CFAP61: variants seen among roughly 807,000 people sequenced by gnomAD.
CFAP61 encodes the protein cilia and flagella associated protein 61.
Under a neutral mutation model 135.6 loss-of-function variants are expected in CFAP61, and 107 were observed. The ratio of observed to expected loss-of-function variants is 0.79; its 90% CI spans 0.67 to 0.93. The LOEUF (loss-of-function observed/expected upper bound fraction) is 0.93. Among genes scored for constraint, CFAP61 ranks in the 40% least tolerant of loss-of-function variants. The probability of loss-of-function intolerance (pLI) is 0.00; values close to 1 mark genes in which losing one functional copy is unlikely to be tolerated. For missense variants in CFAP61, 1,507 were observed against 1,556.2 expected (o/e 0.97, Z 0.53); for synonymous variants, 575 against 578.5 (o/e 0.99, Z 0.09).
At chr20:20,317,463 G>A (rs2122225354) in intron 25 of CFAP61, among the ~76,000 whole-genome samples, 1 of 152,290 alleles carries the variant, frequency 6.6e-6, no homozygotes, top group East Asian at 1.9e-4. Context: ...AGTGACAGAT[G>A]GCAGAGCCCC....
intron 8 of CFAP61, among the ~76,000 whole-genome samples, chr20:20,122,916 G>A (rs1019266010): frequency 9.2e-5 from 14 of 151,506 alleles, no homozygotes; most frequent in African/African-American, 3.4e-4. Context: ...CCACATCCAC[G>A]CCAACATCTA....
intron 20 of CFAP61, among the ~76,000 whole-genome samples, chr20:20,255,713 A>C (rs2051490707): frequency 6.6e-6 from 1 of 152,084 alleles, no homozygotes; most frequent in Admixed American, 6.5e-5. Flanking sequence ...TAGAGATCTC[A>C]CTCTGAGAAT....
At position 20,075,262 on chromosome 20, in the gene CFAP61, G is replaced by T. The variant is rs201930326; in HGVS notation, c.439+6G>T. On this transcript the variant is annotated splice_donor_region_variant and intron_variant, in intron 5 of 26. Transcript: ENST00000245957. ...GCCATCCTACATGAGCCTAGGTAAG[G>T]CCCGCCCAACCACCTCTGGTCCCCG... The T allele has an allele frequency of 6.2e-7, 1 of 1,613,784 alleles. No homozygotes were observed. Among genetic ancestry groups the T allele is most frequent in the Non-Finnish European group, 8.5e-7 (1 of 1,179,764 alleles).
At chr20:20,296,062 T>G (rs2055451469) in intron 24 of CFAP61, among the ~76,000 whole-genome samples, 1 of 26,100 alleles carries the variant, frequency 3.8e-5, no homozygotes, top group African/African-American at 1.6e-4. Flanking sequence ...TTCCCTTCCT[T>G]CCCTTCCTTC....
intron 25 of CFAP61, 68 bp downstream of exon 25, chr20:20,298,454 C>T (rs1410089329): frequency 7.2e-7 from 1 of 1,391,396 alleles, no homozygotes; most frequent in South Asian, 1.2e-5. Context: ...GAATGAGGGA[C>T]ATGTGTTGTG....
intron 9 of CFAP61, among the ~76,000 whole-genome samples, chr20:20,149,212 G>C (rs1332616764): frequency 6.6e-6 from 1 of 152,126 alleles, no homozygotes. Context: ...ATAAATTTAG[G>C]ATTCAAGTCA....
chr20:20,242,139 C>T (rs2050058775), intron 18 of CFAP61, among the ~76,000 whole-genome samples: 3 of 152,234 alleles, frequency 2.0e-5, no homozygotes, highest in African/African-American at 7.2e-5. Context: ...AACAGATTGT[C>T]AGTAAATTGA....
chr20:20,181,138 C>T (rs562511753), intron 13 of CFAP61, among the ~76,000 whole-genome samples: 6 of 150,776 alleles, frequency 4.0e-5, no homozygotes, highest in East Asian at 3.9e-4. Flanking sequence ...AACCTTCACG[C>T]GTACCCCTGA....
At chr20:20,248,819 G>A (rs1476284331) in intron 19 of CFAP61, among the ~76,000 whole-genome samples, 1 of 152,132 alleles carries the variant, frequency 6.6e-6, no homozygotes, top group Non-Finnish European at 1.5e-5. Context: ...CAAGGTTGGG[G>A]GCACTATAAC....
intron 7 of CFAP61, among the ~76,000 whole-genome samples, chr20:20,096,507 G>A (rs1478145538): frequency 6.6e-6 from 1 of 152,204 alleles, no homozygotes; most frequent in Non-Finnish European, 1.5e-5. Context: ...ACTAACAGCG[G>A]TCTTATAAAT....
intron 25 of CFAP61, among the ~76,000 whole-genome samples, chr20:20,339,120 C>T (rs1050110316): frequency 6.6e-5 from 10 of 152,322 alleles, no homozygotes; most frequent in Non-Finnish European, 1.3e-4. Context: ...TTAAAAAGCA[C>T]GTTGGAGCCA....
chr20:20,125,619 G>A (rs2050007669), intron 8 of CFAP61, among the ~76,000 whole-genome samples: 1 of 151,596 alleles, frequency 6.6e-6, no homozygotes, highest in South Asian at 2.1e-4. Flanking sequence ...ATTTATTGAA[G>A]CTTGTTTTAT....
chr20:20,055,622 T>C lies in CFAP61; in HGVS notation c.-36-996T>C, dbSNP rs555035319. On this transcript the variant is annotated intron_variant, in intron 1 of 26. Transcript: ENST00000245957. Reference sequence around the variant, plus strand: ...GTTTTCTTTTTACCAAAGTCAGTTATCTAATTAATTATACTTCCTTATTTT... The same window carrying C: ...GTTTTCTTTTTACCAAAGTCAGTTACCTAATTAATTATACTTCCTTATTTT... 1.4e-4 allele frequency among the ~76,000 whole-genome samples: 21 copies of C among 152,372 alleles called. No individual in the cohort carries two copies. The South Asian group carries it at 2.1e-3, about 15-fold the overall frequency.
intron 20 of CFAP61, chr20:20,253,548 C>A: frequency 4.1e-6 from 2 of 485,640 alleles, no homozygotes; most frequent in Admixed American, 2.1e-5. Context: ...CCCTTACGTT[C>A]AGCATGACTC....
intron 17 of CFAP61, among the ~76,000 whole-genome samples, chr20:20,209,701 T>C (rs1450073271): frequency 6.6e-6 from 1 of 152,242 alleles, no homozygotes; most frequent in Non-Finnish European, 1.5e-5. Context: ...AATGTTTACA[T>C]TGAGTCCATT....
In CFAP61 at chr20:20,277,164, A is replaced by G. The variant is rs1394846089; in HGVS notation, c.2504-2A>G. On this transcript the variant is annotated splice_acceptor_variant, in intron 21 of 26. Coordinates refer to ENST00000245957, the MANE Select transcript of CFAP61 (RefSeq NM_015585.4). LOFTEE classifies it high-confidence loss of function. ...ATCTTAGCGTTTTCCCTTCTTTCCT[A>G]GGGAATATCATTGTCTATGGGAATA... 1.9e-6 allele frequency: 3 copies of G among 1,596,624 alleles called. No homozygotes were observed. Among genetic ancestry groups the G allele is most frequent in the Non-Finnish European group, 2.6e-6 (3 of 1,167,128 alleles).
At position 20,056,763 on chromosome 20, in the gene CFAP61, A is replaced by G. The variant is rs1470202286; in HGVS notation, c.110A>G (p.Lys37Arg). 1 of 1,613,948 alleles carries G rather than the reference A, an allele frequency of 6.2e-7. No homozygotes were observed. The highest frequency in any genetic ancestry group is 8.5e-7 in the Non-Finnish European group (1 of 1,179,944). Residue 37 changes from lysine (K) to arginine (R), a missense_variant, in exon 2 of 27, where the codon AAG becomes AGG. Transcript: ENST00000245957. ...IKSLIRKFTC[K>R]LFGKLNIIYL... ...AGCCTTATTAGAAAATTTACCTGCA[A>G]GCTGTTTGGGAAGCTAAATATCATC...
intron 18 of CFAP61, among the ~76,000 whole-genome samples, chr20:20,234,497 T>C (rs774487749): frequency 6.6e-6 from 1 of 152,214 alleles, no homozygotes; most frequent in Non-Finnish European, 1.5e-5. Flanking sequence ...GTGGGTTTCT[T>C]GCAGTTCTGA....
rs770210367 is a variant in CFAP61, at chr20:20,298,190, C to T, written c.3226C>T (p.Leu1076=). Residue 1076 remains leucine, a synonymous_variant, in exon 25 of 27, where the codon CTA becomes TTA. Transcript: ENST00000245957. ...QMAQPNYGLE[L]VTGSAKNGTY... ...CACATCCCTCCTCCAGGGTTTAGAACTAGTAACCGGCAGTGCGAAAAATGG... is the reference window on the plus strand; with the variant it reads ...CACATCCCTCCTCCAGGGTTTAGAATTAGTAACCGGCAGTGCGAAAAATGG... The T allele has an allele frequency of 6.8e-6, 11 of 1,612,718 alleles. 1 individual carries two copies. The highest frequency in any genetic ancestry group is 3.3e-5 in the South Asian group (3 of 91,064).
Sources: allele counts gnomAD v4.1 joint callset (sites outside exome capture counted in the v4.1 genomes callset), GRCh38; gene constraint gnomAD v4.1.1; transcripts MANE v1.5; gene names NCBI Gene and HGNC (gene_info 2026-07-23, HGNC 2026-07-21).